The following PCDH7 variants were observed in gnomAD, a reference collection of about 807,000 sequenced individuals.
The protein encoded by PCDH7 is protocadherin 7, also known as protocadherin-7.
A neutral mutation model predicts 58.9 loss-of-function variants in PCDH7; 17 were observed. The ratio of observed to expected loss-of-function variants is 0.29; its 90% CI spans 0.20 to 0.43. PCDH7 has a LOEUF of 0.43. Among genes scored for constraint, PCDH7 ranks in the 20% least tolerant of loss-of-function variants. The pLI is 1.00. For missense variants in PCDH7, 1,274 were observed against 1,441.0 expected (o/e 0.88, Z 1.88); for synonymous variants, 664 against 616.4 (o/e 1.08, Z -1.14).
At chr4:30,787,639 G>T (rs966464433) in intron 1 of PCDH7, among the ~76,000 whole-genome samples, 1 of 152,040 alleles carries the variant, frequency 6.6e-6, no homozygotes, top group Non-Finnish European at 1.5e-5. Flanking sequence ...TATATATGCA[G>T]AAGAGGGCCT....
At chr4:30,734,434 A>T (rs1373599103), downstream of PCDH7, among the ~76,000 whole-genome samples, 1 of 151,922 alleles carries the variant, frequency 6.6e-6, no homozygotes, top group Non-Finnish European at 1.5e-5. Flanking sequence ...CAGTTTCACC[A>T]TTTCGGTCAG....
intron 1 of PCDH7, among the ~76,000 whole-genome samples, chr4:30,785,433 G>A (rs146133957): frequency 1.3e-5 from 2 of 151,928 alleles, no homozygotes; most frequent in African/African-American, 4.8e-5. Context: ...CTTTATGTAA[G>A]TAGCCCAAAT....
intron 1 of PCDH7, among the ~76,000 whole-genome samples, chr4:30,881,731 C>T (rs1175051106): frequency 2.6e-5 from 4 of 152,158 alleles, no homozygotes; most frequent in South Asian, 4.1e-4. Flanking sequence ...TTAAAACTGG[C>T]GAAAATGGAA....
chr4:30,975,468 G>A (rs1054066694), intron 3 of PCDH7, among the ~76,000 whole-genome samples: 9 of 152,032 alleles, frequency 5.9e-5, no homozygotes, highest in African/African-American at 1.9e-4. Context: ...CATGCTCTGT[G>A]TTTTCTAAAT....
chr4:30,963,640 A>T (rs1044666447), intron 3 of PCDH7, among the ~76,000 whole-genome samples: 3 of 152,126 alleles, frequency 2.0e-5, no homozygotes, highest in South Asian at 2.1e-4. Context: ...TGCATTTTTC[A>T]TAGCTCATAG....
intron 1 of PCDH7, among the ~76,000 whole-genome samples, chr4:30,860,738 T>C (rs1303917437): frequency 6.6e-6 from 1 of 152,148 alleles, no homozygotes; most frequent in African/African-American, 2.4e-5. Context: ...AATGTGAAGG[T>C]ACTAGGATTG....
rs184448447 is a variant in PCDH7, at chr4:30,862,244, A to T, written c.71-57909A>T. The stretch of plus-strand genomic sequence containing the variant: ...AGTGGAAAAATTCACAGTGGTGATG[A>T]AAACCAAAAATTGTTTGGTGCTCTC... On this transcript the variant is annotated intron_variant, in intron 1 of 3. Transcript: ENST00000509759. 1.1e-4 allele frequency among the ~76,000 whole-genome samples: 17 copies of T among 152,312 alleles called. No individual in the cohort carries two copies. In the East Asian group the frequency reaches 2.7e-3, roughly 24 times the overall value.
chr4:31,130,788 T>A (rs1718887659), intron 3 of PCDH7, among the ~76,000 whole-genome samples: 2 of 152,152 alleles, frequency 1.3e-5, no homozygotes, highest in South Asian at 4.1e-4. Context: ...TCACATCACT[T>A]TATTCTTACA....
At position 30,868,207 on chromosome 4, in the gene PCDH7, A is replaced by G. The variant is rs79911356; in HGVS notation, c.71-51946A>G. Among the ~76,000 whole-genome samples the G allele has an allele frequency of 1.7e-3, 259 of 152,178 alleles. 2 individuals carry two copies. Among genetic ancestry groups the G allele is most frequent in the African/African-American group, 5.9e-3 (246 of 41,548 alleles). ...AGCTACCCTTTCTGGCGAAATTCCT[A>G]TATGCCAGGCATGGTGCTAAGTGTT... On this transcript the variant is annotated intron_variant, in intron 1 of 3. Transcript: ENST00000509759.
intron 1 of PCDH7, among the ~76,000 whole-genome samples, chr4:30,856,417 G>A (rs1733465569): frequency 6.6e-6 from 1 of 151,984 alleles, no homozygotes. Flanking sequence ...TGAGAATTTA[G>A]TAGGTAAAAG....
chr4:30,889,137 C>CAAAAAAAAAAAAAAA (rs371917620), intron 1 of PCDH7, among the ~76,000 whole-genome samples: 1,445 of 49,618 alleles, frequency 0.029, 56 homozygotes, highest in Non-Finnish European at 0.037. Context: ...GCAGATATCT[C>CAAAAAAAAAAAAAAA]AAAAAAAAAA....
At chr4:31,017,142 G>A (rs1303813854) in intron 3 of PCDH7, among the ~76,000 whole-genome samples, 1 of 152,104 alleles carries the variant, frequency 6.6e-6, no homozygotes, top group African/African-American at 2.4e-5. Flanking sequence ...TGTAAAAGCT[G>A]CCCAAGAAGC....
chr4:30,731,971 A>G (rs1211140087), exon 2 of PCDH7: 2 of 152,198 alleles, frequency 1.3e-5, no homozygotes, highest in Non-Finnish European at 2.9e-5. Flanking sequence ...TTTGGGAACT[A>G]AGAATGCCAA....
chr4:30,803,656 C>T (rs1267419161), intron 1 of PCDH7, among the ~76,000 whole-genome samples: 1 of 152,172 alleles, frequency 6.6e-6, no homozygotes, highest in Non-Finnish European at 1.5e-5. Context: ...CCAGGCTGGC[C>T]TTGAACTCTT....
At chr4:31,003,132 T>A (rs957852283) in intron 3 of PCDH7, among the ~76,000 whole-genome samples, 57 of 152,316 alleles carry the variant, frequency 3.7e-4, no homozygotes, top group African/African-American at 1.2e-3. Flanking sequence ...CTTACCATGC[T>A]TATTTTTTTA....
chr4:30,916,576 T>C (rs1742500830), intron 1 of PCDH7, among the ~76,000 whole-genome samples: 1 of 152,194 alleles, frequency 6.6e-6, no homozygotes, highest in African/African-American at 2.4e-5. Flanking sequence ...TAGACCAATT[T>C]ACATTTACAA....
At chr4:30,876,121 A>G (rs1033045075) in intron 1 of PCDH7, among the ~76,000 whole-genome samples, 1 of 152,060 alleles carries the variant, frequency 6.6e-6, no homozygotes, top group African/African-American at 2.4e-5. Context: ...TCCTCCACCT[A>G]ATTCCTGGCC....
intron 1 of PCDH7, among the ~76,000 whole-genome samples, chr4:30,728,321 A>C (rs1714943566): frequency 6.9e-6 from 1 of 144,484 alleles, no homozygotes; most frequent in South Asian, 2.3e-4. Context: ...AGAGAGAGAG[A>C]GCATATATAT....
At chr4:30,954,398 C>T (rs1747644383) in intron 3 of PCDH7, among the ~76,000 whole-genome samples, 1 of 151,912 alleles carries the variant, frequency 6.6e-6, no homozygotes, top group Admixed American at 6.6e-5. Context: ...TCAAGAGTTC[C>T]AGTGCTGACA....
Sources: allele counts gnomAD v4.1 joint callset (sites outside exome capture counted in the v4.1 genomes callset), GRCh38; gene constraint gnomAD v4.1.1; transcripts MANE v1.5; gene names NCBI Gene and HGNC (gene_info 2026-07-23, HGNC 2026-07-21).